Variants in PANK3 observed in about 807,000 individuals in gnomAD.
PANK3 encodes the protein hPanK3.
In PANK3, 20 loss-of-function variants were observed where a neutral mutation model predicts 39.4. The ratio of observed to expected loss-of-function variants is 0.51; its 90% confidence interval spans 0.36 to 0.74. The LOEUF (loss-of-function observed/expected upper bound fraction) is 0.74, where lower values mean the gene tolerates loss of function less well. Among genes scored for constraint, PANK3 ranks in the 30% least tolerant of loss-of-function variants. The probability of loss-of-function intolerance (pLI) is 0.00; values close to 1 mark genes in which losing one functional copy is unlikely to be tolerated. For missense variants in PANK3, 265 were observed against 437.0 expected (o/e 0.61, Z 3.51); for synonymous variants, 140 against 157.3 (o/e 0.89, Z 0.82).
Position 168,554,621 on chromosome 5 carries a change from T to A in PANK3, c.*2950A>T, listed in dbSNP as rs995913798. ...TAGACTGTTTGAAACTCTGAATTCA[T>A]GTCAGTCAGTAGCCATTTTAAAACC... On this transcript the variant is annotated 3_prime_UTR_variant, in exon 7 of 7. Coordinates refer to ENST00000239231, the MANE Select transcript of PANK3 (RefSeq NM_024594.4). 1.3e-5 allele frequency: 2 copies of A among 152,234 alleles called. No individual in the cohort carries two copies. The highest frequency in any genetic ancestry group is 4.8e-5 in the African/African-American group (2 of 41,454). 9.4% of individuals were successfully genotyped at this position (152,234 alleles called of 1,614,324 possible).
At chr5:168,561,011 T>A (rs565789214) in intron 5 of PANK3, 1 of 477,558 alleles carries the variant, frequency 2.1e-6, no homozygotes, top group African/African-American at 2.0e-5. Context: ...AAATGCAACA[T>A]TAAGCACTGG....
At chr5:168,558,141 GAGACATGGA>G in intron 6 of PANK3, among the ~76,000 whole-genome samples, 1 of 148,242 alleles carries the variant, frequency 6.7e-6, no homozygotes, top group South Asian at 2.1e-4. Context: ...CAGTGACAAT[GAGACATGGA>G]AGCTTTTTTT....
intron 4 of PANK3, among the ~76,000 whole-genome samples, chr5:168,563,613 T>C (rs1040745500): frequency 6.6e-5 from 10 of 152,020 alleles, no homozygotes; most frequent in African/African-American, 2.2e-4. Context: ...TTACCTTTTG[T>C]ATATGGGGAG....
At chr5:168,565,089 C>T (rs1051844631) in intron 3 of PANK3, among the ~76,000 whole-genome samples, 1 of 152,114 alleles carries the variant, frequency 6.6e-6, no homozygotes, top group Non-Finnish European at 1.5e-5. Context: ...TAGCAGTGTA[C>T]AATTCTTTGG....
At chr5:168,569,309 C>T (rs1192824876) in intron 1 of PANK3, among the ~76,000 whole-genome samples, 13 of 150,086 alleles carry the variant, frequency 8.7e-5, no homozygotes, top group Non-Finnish European at 1.9e-4. Context: ...CTCAGCCTCC[C>T]GAGTAGCTGG....
At chr5:168,566,874 C>G (rs1250321072) in intron 2 of PANK3, among the ~76,000 whole-genome samples, 1 of 152,138 alleles carries the variant, frequency 6.6e-6, no homozygotes, top group Non-Finnish European at 1.5e-5. Flanking sequence ...TCTCAAGTAG[C>G]TGGGATTGCA....
intron 1 of PANK3, among the ~76,000 whole-genome samples, chr5:168,575,781 G>A (rs572653913): frequency 1.8e-3 from 268 of 151,332 alleles, no homozygotes; most frequent in Middle Eastern, 0.01. Context: ...GTGAGATCGC[G>A]TCTCAAAAGA....
At position 168,566,203 on chromosome 5, in the gene PANK3, T is replaced by C; in HGVS notation, c.445A>G (p.Ile149Val). The C allele has an allele frequency of 6.2e-7, 1 of 1,613,984 alleles. No homozygotes were observed. Among genetic ancestry groups the C allele is most frequent in the East Asian group, 2.2e-5 (1 of 44,852 alleles). ...TGTCCATTGAAACTGACAGAGTCTATATACAGCAAGCCCTTTACAAGGCAG... is the reference window on the plus strand; with the variant it reads ...TGTCCATTGAAACTGACAGAGTCTACATACAGCAAGCCCTTTACAAGGCAG... ...LDCLVKGLLY[I>V]DSVSFNGQAE... Residue 149 changes from isoleucine (I) to valine (V), a missense_variant, in exon 3 of 7, where the codon ATA becomes GTA. Transcript: ENST00000239231.
intron 1 of PANK3, among the ~76,000 whole-genome samples, chr5:168,578,034 A>T (rs955508027): frequency 1.3e-5 from 2 of 152,252 alleles, no homozygotes; most frequent in South Asian, 4.1e-4. Context: ...ATAATTTTTT[A>T]AAAATTTTAA....
chr5:168,561,370 T>G, intron 5 of PANK3, 23 bp downstream of exon 5: 2 of 1,558,516 alleles, frequency 1.3e-6, no homozygotes, highest in Non-Finnish European at 1.7e-6. Context: ...ATAATTCAAG[T>G]TTTGTGTTTT....
chr5:168,572,945 T>C (rs570272942), intron 1 of PANK3, among the ~76,000 whole-genome samples: 1 of 152,086 alleles, frequency 6.6e-6, no homozygotes, highest in South Asian at 2.1e-4. Flanking sequence ...AGGGGTGATA[T>C]TGTGGGGTTG....
At chr5:168,579,074 G>A (rs761665758) in intron 1 of PANK3, among the ~76,000 whole-genome samples, 182 bp downstream of exon 1, 2 of 152,210 alleles carry the variant, frequency 1.3e-5, no homozygotes, top group Non-Finnish European at 2.9e-5. Context: ...CACCATGCAT[G>A]AATAGGGGGA....
chr5:168,561,306 G>A (rs1759443660), intron 5 of PANK3, 87 bp downstream of exon 5: 2 of 1,241,392 alleles, frequency 1.6e-6, no homozygotes, highest in African/African-American at 1.5e-5. Flanking sequence ...GGCCTCCTTA[G>A]GGAAAGTGAA....
intron 6 of PANK3, among the ~76,000 whole-genome samples, chr5:168,558,514 T>C (rs1395871578): frequency 6.6e-6 from 1 of 152,212 alleles, no homozygotes; most frequent in Non-Finnish European, 1.5e-5. Flanking sequence ...TGTTACTAAT[T>C]TGTAATGATA....
intron 3 of PANK3, among the ~76,000 whole-genome samples, chr5:168,564,532 C>T (rs2113115857): frequency 6.6e-6 from 1 of 152,222 alleles, no homozygotes. Flanking sequence ...CTCCTGGGCT[C>T]AAGCAATCTT....
intron 1 of PANK3, among the ~76,000 whole-genome samples, chr5:168,575,340 A>G (rs532656328): frequency 6.6e-6 from 1 of 152,372 alleles, no homozygotes; most frequent in South Asian, 2.1e-4. Flanking sequence ...TTCTTGTCCA[A>G]TCACCTTTTA....
rs1759319672 is a variant in PANK3 at position 168,554,494 on chromosome 5, A to G, written c.*3077T>C. 1 of 152,174 alleles carries G rather than the reference A, an allele frequency of 6.6e-6. No homozygotes were observed. The highest frequency in any genetic ancestry group is 6.5e-5 in the Admixed American group (1 of 15,272). The allele number at this position is 152,174 out of a possible 1,614,324, so 9.4% of individuals were successfully genotyped here. On this transcript the variant is annotated 3_prime_UTR_variant, in exon 7 of 7. Transcript: ENST00000239231. Reference sequence around the variant, plus strand: ...GGCATGAGCCACTGCACCCAGCCTCAATTGTTTAAAATTCAGTTTTCTTTA... The same window carrying G: ...GGCATGAGCCACTGCACCCAGCCTCGATTGTTTAAAATTCAGTTTTCTTTA...
rs1417386362 is a variant in PANK3, at chr5:168,556,629, A to T, written c.*942T>A. 1 of 152,646 alleles carries T rather than the reference A, an allele frequency of 6.6e-6. No individual in the cohort carries two copies. The highest frequency in any genetic ancestry group is 1.5e-5 in the Non-Finnish European group (1 of 68,050). The allele number at this position is 152,646 out of a possible 1,614,324, so 9.5% of individuals were successfully genotyped here. A position where few individuals can be genotyped will look rare whatever the true frequency, so the allele number is the denominator to read the frequency against. ...TCTATTTCTGGCTCCTCAAACAGCA[A>T]AGGGTAATAATAAGGCATGGTAGAG... On this transcript the variant is annotated 3_prime_UTR_variant, in exon 7 of 7. Transcript: ENST00000239231.
At chr5:168,560,762 A>C (rs1430578313) in intron 5 of PANK3, 1 of 174,806 alleles carries the variant, frequency 5.7e-6, no homozygotes, top group African/African-American at 2.4e-5. Flanking sequence ...TTATTATATA[A>C]GGAAGCTAGA....
Sources: allele counts gnomAD v4.1 joint callset (sites outside exome capture counted in the v4.1 genomes callset), GRCh38; gene constraint gnomAD v4.1.1; transcripts MANE v1.5; gene names NCBI Gene and HGNC (gene_info 2026-07-23, HGNC 2026-07-21).